The following GCGR variants were observed in gnomAD, a reference collection of about 807,000 sequenced individuals.
The protein encoded by GCGR is glucagon receptor.
Under a neutral mutation model 56.1 loss-of-function variants are expected in GCGR, and 41 were observed. That is an observed-to-expected ratio of 0.73 (90% CI 0.57 to 0.95). The LOEUF is 0.95. Among genes scored for constraint, GCGR ranks in the 40% least tolerant of loss-of-function variants. The pLI, the probability that GCGR is intolerant of heterozygous loss-of-function variation, is 0.00. For synonymous variants in GCGR, 278 were observed against 271.1 expected (o/e 1.03, Z -0.25); for missense variants, 595 against 638.2 (o/e 0.93, Z 0.73).
intron 1 of GCGR, among the ~76,000 whole-genome samples, chr17:81,807,809 C>T (rs922804479): frequency 3.9e-5 from 6 of 152,254 alleles, no homozygotes; most frequent in African/African-American, 1.4e-4. Flanking sequence ...GGCTCTGTAG[C>T]AACGAAAGGC....
In GCGR at chr17:81,810,381, C is replaced by T. The variant is rs2038068038; in HGVS notation, c.164-444C>T. 4 of 328,992 alleles carry T rather than the reference C, an allele frequency of 1.2e-5. No individual in the cohort carries two copies. Among genetic ancestry groups the T allele is most frequent in the South Asian group, 1.2e-4 (4 of 34,702 alleles). 20.4% of individuals were successfully genotyped at this position (328,992 alleles called of 1,614,324 possible). ...ACTGGGCAGAGGGGGGCAGGTGTGG[C>T]AGCCTCCATTGGGCAGAGGGAGCAG... On this transcript the variant is annotated intron_variant, in intron 3 of 13. Coordinates refer to ENST00000400723, the MANE Select transcript of GCGR (RefSeq NM_000160.5). The surrounding 1 kb of genome is among the most constrained non-coding windows in gnomAD (Gnocchi z 4.6).
At chr17:81,807,506 G>C (rs865972171) in intron 1 of GCGR, among the ~76,000 whole-genome samples, 3 of 152,172 alleles carry the variant, frequency 2.0e-5, no homozygotes, top group Admixed American at 2.0e-4. Flanking sequence ...AGGCTGTCCC[G>C]TGGCAGCCAG....
intron 2 of GCGR, among the ~76,000 whole-genome samples, chr17:81,809,455 CTGT>C: frequency 1.4e-5 from 2 of 146,844 alleles, no homozygotes; most frequent in African/African-American, 5.3e-5. Context: ...GCCTGCCTGC[CTGT>C]CTGTCTGCCT....
At position 81,810,635 on chromosome 17, in the gene GCGR, G is replaced by T; in HGVS notation, c.164-190G>T. Among the ~76,000 whole-genome samples the T allele has an allele frequency of 6.6e-6, 1 of 152,022 alleles. No individual in the cohort carries two copies. The highest frequency in any genetic ancestry group is 1.9e-4 in the East Asian group (1 of 5,184). ...GAGGCTGGTCCAGGGGAGGTGGATG[G>T]TCAGGTGAGGAAGGTGGAGGTCAGA... On this transcript the variant is annotated intron_variant, in intron 3 of 13. Coordinates refer to ENST00000400723, the MANE Select transcript of GCGR (RefSeq NM_000160.5). The surrounding 1 kb of genome is among the most constrained non-coding windows in gnomAD (Gnocchi z 4.6).
In GCGR at chr17:81,809,898, C is replaced by T. The variant is rs1271674615; in HGVS notation, c.163+14C>T. 1 of 1,516,632 alleles carries T rather than the reference C, an allele frequency of 6.6e-7. No individual in the cohort carries two copies. The highest frequency in any genetic ancestry group is 8.9e-7 in the Non-Finnish European group (1 of 1,128,690). 93.9% of individuals were successfully genotyped at this position (1,516,632 alleles called of 1,614,324 possible). ...CCCCTCCCACGGGTGAGCCCCCCAC[C>T]CAGAGCCTTTCAGCCTGTGCCTGGC... On this transcript the variant is annotated intron_variant, in intron 3 of 13. Transcript: ENST00000400723.
At position 81,804,635 on chromosome 17, in the gene GCGR, G is replaced by A. The variant is rs1458452358; in HGVS notation, c.-178+386G>A. On this transcript the variant is annotated intron_variant, in intron 1 of 13. Transcript: ENST00000400723. The surrounding 1 kb of genome is among the most constrained non-coding windows in gnomAD (Gnocchi z 8.2). ...GGAGCGCACAAAGCGCCGCGGACGCGTCCCCGAGGCGCGGGGTCTCACCAG... is the reference window on the plus strand; with the variant it reads ...GGAGCGCACAAAGCGCCGCGGACGCATCCCCGAGGCGCGGGGTCTCACCAG... 2.0e-5 allele frequency among the ~76,000 whole-genome samples: 3 copies of A among 152,090 alleles called. No homozygotes were observed. The highest frequency in any genetic ancestry group is 2.9e-5 in the Non-Finnish European group (2 of 67,930).
Position 81,813,603 on chromosome 17 carries a change from T to A in GCGR, c.1348T>A (p.Phe450Ile). Reference sequence around the variant, plus strand: ...CGGCCCTCCCAGCAAGGAGCTGCAGTTTGGGAGGGGTGGTGGCAGCCAGGA... The same window carrying A: ...CGGCCCTCCCAGCAAGGAGCTGCAGATTGGGAGGGGTGGTGGCAGCCAGGA... ...GHGPPSKELQ[F>I]GRGGGSQDSS... Residue 450 changes from phenylalanine to isoleucine, a missense_variant, in exon 14 of 14, where the codon TTT becomes ATT. Physicochemically the swap from Phe to Ile is conservative, Grantham distance 21 (BLOSUM62 0). Transcript: ENST00000400723. The surrounding 1 kb of genome is among the most constrained non-coding windows in gnomAD (Gnocchi z 5.3). 11 of 1,536,402 alleles carry A rather than the reference T, an allele frequency of 7.2e-6. 1 individual carries two copies. The highest frequency in any genetic ancestry group is 9.6e-6 in the Non-Finnish European group (11 of 1,146,776).
intron 2 of GCGR, 125 bp from the exon 3 acceptor site, chr17:81,809,657 G>A (rs1257624688): frequency 2.0e-6 from 1 of 511,506 alleles, no homozygotes; most frequent in Non-Finnish European, 3.4e-6. Flanking sequence ...CTGTCTGCCT[G>A]TCTGTCTGCC....
chr17:81,810,746 G>C lies in GCGR; in HGVS notation c.164-79G>C, dbSNP rs796798786. 11 of 1,335,392 alleles carry C rather than the reference G, an allele frequency of 8.2e-6. No individual in the cohort carries two copies. In the African/African-American group the frequency reaches 1.6e-4, roughly 19 times the overall value. The allele number at this position is 1,335,392 out of a possible 1,614,324, so 82.7% of individuals were successfully genotyped here. ...ACGGCCGAGCTCAGGCTTCCAGAGA[G>C]AGGAGAGAGGCCTGCTGAGGGAGCC... On this transcript the variant is annotated intron_variant, in intron 3 of 13. Coordinates refer to ENST00000400723, the MANE Select transcript of GCGR (RefSeq NM_000160.5). This position sits in a 1 kb window ranked among gnomAD's most constrained non-coding sequence, Gnocchi z 4.6.
rs1598239011 is a variant in GCGR, at chr17:81,812,074, C to T, written c.879-109C>T. On this transcript the variant is annotated intron_variant, in intron 9 of 13. Coordinates refer to ENST00000400723, the MANE Select transcript of GCGR (RefSeq NM_000160.5). This position sits in a 1 kb window ranked among gnomAD's most constrained non-coding sequence, Gnocchi z 8.5. Reference sequence around the variant, plus strand: ...GAGGGGGTCATTTGTGACCTTCTCCCTTCCTTTTCTGAGACCCGAATTAGA... The same window carrying T: ...GAGGGGGTCATTTGTGACCTTCTCCTTTCCTTTTCTGAGACCCGAATTAGA... The T allele has an allele frequency of 2.0e-6, 3 of 1,508,546 alleles. No individual in the cohort carries two copies. The highest frequency in any genetic ancestry group is 2.7e-6 in the Non-Finnish European group (3 of 1,123,224). 93.4% of individuals were successfully genotyped at this position (1,508,546 alleles called of 1,614,324 possible).
Position 81,811,711 on chromosome 17 carries a change from T to G in GCGR, c.718T>G (p.Cys240Gly). The G allele has an allele frequency of 6.5e-7, 1 of 1,543,766 alleles. No individual in the cohort carries two copies. The change falls in exon 8 of 14, where the codon TGC becomes GGC. Residue 240 changes from cysteine to glycine, a missense_variant. Transcript: ENST00000400723. The surrounding 1 kb of genome is among the most constrained non-coding windows in gnomAD (Gnocchi z 5.8). ...GCAATATGGCATCGTGGCCAACTAC[T>G]GCTGGCTGCTGGTGGAGGGCCTGTA... is the stretch of plus-strand genomic sequence containing the variant. Reference protein sequence around the residue: ...FMQYGIVANYCWLLVEGLYLH... With the variant: ...FMQYGIVANYGWLLVEGLYLH...
rs2038137456 is a variant in GCGR, at chr17:81,813,063, T to G, written c.1218+6T>G. On this transcript the variant is annotated splice_donor_region_variant and intron_variant, in intron 13 of 13. Coordinates refer to ENST00000400723, the MANE Select transcript of GCGR (RefSeq NM_000160.5). The surrounding 1 kb of genome is among the most constrained non-coding windows in gnomAD (Gnocchi z 5.3). ...ACTGCTTCCTCAACAAGGAGGTAGG[T>G]GGGAGTGGGGGCATCTGAGACCATC... The G allele has an allele frequency of 2.0e-6, 3 of 1,535,684 alleles. No individual in the cohort carries two copies. Among genetic ancestry groups the G allele is most frequent in the Non-Finnish European group, 2.6e-6 (3 of 1,146,728 alleles).
At position 81,811,636 on chromosome 17, in the gene GCGR, C is replaced by A; in HGVS notation, c.658-15C>A. The stretch of plus-strand genomic sequence containing the variant: ...AGGTGGCCACGTAGCCGCGCTCACA[C>A]TGCACCTGTACCAGGCGGTGGCTGG... On this transcript the variant is annotated splice_polypyrimidine_tract_variant and intron_variant, in intron 7 of 13. Coordinates refer to ENST00000400723, the MANE Select transcript of GCGR (RefSeq NM_000160.5). The surrounding 1 kb of genome is among the most constrained non-coding windows in gnomAD (Gnocchi z 5.8). The A allele has an allele frequency of 6.5e-7, 1 of 1,536,264 alleles. No homozygotes were observed.
chr17:81,810,472 C>A lies in GCGR; in HGVS notation c.164-353C>A. The A allele has an allele frequency of 2.5e-6, 1 of 407,116 alleles. No individual in the cohort carries two copies. Among genetic ancestry groups the A allele is most frequent in the Non-Finnish European group, 4.6e-6 (1 of 218,302 alleles). The allele number at this position is 407,116 out of a possible 1,614,324, so 25.2% of individuals were successfully genotyped here. On this transcript the variant is annotated intron_variant, in intron 3 of 13. Transcript: ENST00000400723. The surrounding 1 kb of genome is among the most constrained non-coding windows in gnomAD (Gnocchi z 4.6). ...GAAAATGGCATTGGGGTTCAGCCCC[C>A]AGAGAGGGAGGTGCTGAGAGAAGGT...
rs759267829 is a variant in GCGR at position 81,813,393 on chromosome 17, C to T, written c.1219-81C>T. On this transcript the variant is annotated intron_variant, in intron 13 of 13. Transcript: ENST00000400723. The surrounding 1 kb of genome is among the most constrained non-coding windows in gnomAD (Gnocchi z 5.3). ...CCTCAGAGCGGAGACTGGGCATCTCCGATGAGGCCCACAGCAGGTCCCGGT... is the reference window on the plus strand; with the variant it reads ...CCTCAGAGCGGAGACTGGGCATCTCTGATGAGGCCCACAGCAGGTCCCGGT... The T allele has an allele frequency of 1.3e-5, 17 of 1,336,848 alleles. No individual in the cohort carries two copies. Among genetic ancestry groups the T allele is most frequent in the South Asian group, 5.2e-5 (4 of 76,204 alleles). 82.8% of individuals were successfully genotyped at this position (1,336,848 alleles called of 1,614,324 possible). A position where few individuals can be genotyped will look rare whatever the true frequency, so the allele number is the denominator to read the frequency against.
At chr17:81,809,552 T>C (rs1051612446) in intron 2 of GCGR, among the ~76,000 whole-genome samples, 5 of 149,788 alleles carry the variant, frequency 3.3e-5, no homozygotes, top group East Asian at 2.0e-4. Flanking sequence ...TCTGCCTGTC[T>C]GTCTGCCTGT....
chr17:81,808,904 C>A lies in GCGR; in HGVS notation c.-115C>A. ...ACCCCACTGGCCAGGACGCCCCAGG[C>A]TCTGCTGCTCTGCCACTCAGCTGCC... On this transcript the variant is annotated 5_prime_UTR_variant, in exon 2 of 14. Coordinates refer to ENST00000400723, the MANE Select transcript of GCGR (RefSeq NM_000160.5). 1 of 1,309,176 alleles carries A rather than the reference C, an allele frequency of 7.6e-7. No homozygotes were observed. The highest frequency in any genetic ancestry group is 1.1e-6 in the Non-Finnish European group (1 of 942,600). The allele number at this position is 1,309,176 out of a possible 1,614,324, so 81.1% of individuals were successfully genotyped here.
chr17:81,812,761 G>A lies in GCGR; in HGVS notation c.1038-46G>A, dbSNP rs559112300. ...ACTCCAAGCTCCACGTGGATGGTGC[G>A]GGCCGAGGGTGGGGGCGGTGGGTGA... On this transcript the variant is annotated intron_variant, in intron 11 of 13. Coordinates refer to ENST00000400723, the MANE Select transcript of GCGR (RefSeq NM_000160.5). The surrounding 1 kb of genome is among the most constrained non-coding windows in gnomAD (Gnocchi z 8.5). 9.4e-5 allele frequency: 144 copies of A among 1,534,498 alleles called. No homozygotes were observed. The highest frequency in any genetic ancestry group is 1.4e-4 in the African/African-American group (10 of 73,116).
chr17:81,809,803 G>A lies in GCGR; in HGVS notation c.82G>A (p.Val28Met). 1 of 1,536,672 alleles carries A rather than the reference G, an allele frequency of 6.5e-7. No homozygotes were observed. Among genetic ancestry groups the A allele is most frequent in the Non-Finnish European group, 8.7e-7 (1 of 1,146,858 alleles). Reference sequence around the variant, plus strand: ...CCAGCCACAGGTCCCCTCCGCTCAGGTGATGGACTTCCTGTTTGAGAAGTG... The same window carrying A: ...CCAGCCACAGGTCCCCTCCGCTCAGATGATGGACTTCCTGTTTGAGAAGTG... ...ACQPQVPSAQ[V>M]MDFLFEKWKL... The change falls in exon 3 of 14, where the codon GTG (valine) becomes ATG (methionine). Residue 28 changes from valine (V) to methionine (M), a missense_variant. Transcript: ENST00000400723.
Sources: allele counts gnomAD v4.1 joint callset (sites outside exome capture counted in the v4.1 genomes callset), GRCh38; gene constraint gnomAD v4.1.1; non-coding constraint Gnocchi (gnomAD v3.1); transcripts MANE v1.5; gene names NCBI Gene and HGNC (gene_info 2026-07-23, HGNC 2026-07-21).